Variants in GRIA4 observed in about 807,000 individuals in gnomAD.
The protein encoded by GRIA4 is glutamate receptor 4.
GRIA4 carries 34 observed loss-of-function variants against 104.0 expected under a neutral mutation model. That is an observed-to-expected ratio of 0.33 (90% confidence interval 0.25 to 0.44). The LOEUF is 0.44. Among genes scored for constraint, GRIA4 ranks in the 20% least tolerant of loss-of-function variants. The pLI is 1.00. For missense variants in GRIA4, 750 were observed against 1,096.5 expected, an observed-to-expected ratio of 0.68 and a Z score of 4.46; for synonymous variants, 386 against 381.9, an observed-to-expected ratio of 1.01 and a Z score of -0.13.
chr11:105,899,161 C>A (rs1478771272), intron 7 of GRIA4, among the ~76,000 whole-genome samples: 1 of 152,154 alleles, frequency 6.6e-6, no homozygotes, highest in East Asian at 1.9e-4. Flanking sequence ...AGATCTAAGG[C>A]TAGAGGGCCT....
intron 13 of GRIA4, among the ~76,000 whole-genome samples, chr11:105,930,063 C>G (rs1482026760): frequency 6.6e-6 from 1 of 152,078 alleles, no homozygotes; most frequent in Non-Finnish European, 1.5e-5. Context: ...CTTAAATGTT[C>G]CTTTATCACT....
chr11:105,939,558 TA>T (rs1948133108), intron 14 of GRIA4, among the ~76,000 whole-genome samples: 1 of 152,160 alleles, frequency 6.6e-6, no homozygotes, highest in Non-Finnish European at 1.5e-5. Context: ...CCCAGAAAGA[TA>T]TTTTTTTTGT....
At chr11:105,786,826 G>A (rs1018469621) in intron 4 of GRIA4, among the ~76,000 whole-genome samples, 1 of 152,136 alleles carries the variant, frequency 6.6e-6, no homozygotes, top group Non-Finnish European at 1.5e-5. Flanking sequence ...CTGTGAATTA[G>A]ACTGCAAACA....
intron 3 of GRIA4, among the ~76,000 whole-genome samples, chr11:105,627,799 T>C (rs1174580548): frequency 6.6e-6 from 1 of 152,138 alleles, no homozygotes; most frequent in African/African-American, 2.4e-5. Flanking sequence ...TTCTATAATA[T>C]GCATAGAGGC....
chr11:105,825,180 T>C (rs1943722130), intron 4 of GRIA4, among the ~76,000 whole-genome samples: 1 of 152,030 alleles, frequency 6.6e-6, no homozygotes, highest in Admixed American at 6.6e-5. Context: ...TCAAGGGGAA[T>C]ATTGGCCAAG....
chr11:105,747,037 A>T (rs188256856), intron 3 of GRIA4, among the ~76,000 whole-genome samples: 228 of 152,330 alleles, frequency 1.5e-3, no homozygotes, highest in Admixed American at 2.6e-3. Flanking sequence ...CATAAAAAGT[A>T]ACATACTCCC....
chr11:105,655,227 C>G (rs1200548134), intron 3 of GRIA4, among the ~76,000 whole-genome samples: 5 of 152,062 alleles, frequency 3.3e-5, no homozygotes, highest in Non-Finnish European at 5.9e-5. Context: ...TCGAATATAA[C>G]AAAGTTCTTT....
At chr11:105,741,080 A>C (rs1356617653) in intron 3 of GRIA4, among the ~76,000 whole-genome samples, 2 of 152,208 alleles carry the variant, frequency 1.3e-5, no homozygotes, top group Non-Finnish European at 1.5e-5. Flanking sequence ...AGCGTAATGG[A>C]GACAAAGGGA....
At chr11:105,617,069 T>A (rs1950619357) in intron 3 of GRIA4, among the ~76,000 whole-genome samples, 1 of 150,512 alleles carries the variant, frequency 6.6e-6, no homozygotes, top group African/African-American at 2.4e-5. Flanking sequence ...GAAAGTGTTA[T>A]TTTTCAAGGA....
intron 4 of GRIA4, among the ~76,000 whole-genome samples, chr11:105,805,199 G>A (rs1444726984): frequency 6.6e-6 from 1 of 151,634 alleles, no homozygotes; most frequent in African/African-American, 2.4e-5. Context: ...ATATTTATTT[G>A]GGAATGAGTA....
rs1859212158 is a variant in GRIA4, at chr11:105,980,416, C to T, written c.*677C>T. 2 of 152,548 alleles carry T rather than the reference C, an allele frequency of 1.3e-5. No individual in the cohort carries two copies. The highest frequency in any genetic ancestry group is 1.5e-5 in the Non-Finnish European group (1 of 68,034). 9.4% of individuals were successfully genotyped at this position (152,548 alleles called of 1,614,324 possible). On this transcript the variant is annotated 3_prime_UTR_variant, in exon 17 of 17. Transcript: ENST00000282499. Reference sequence around the variant, plus strand: ...TACATTGCAATAATTGATATAAATGCCATCACTGTAATAAACTTTAGAGAC... The same window carrying T: ...TACATTGCAATAATTGATATAAATGTCATCACTGTAATAAACTTTAGAGAC...
intron 4 of GRIA4, among the ~76,000 whole-genome samples, chr11:105,756,921 C>T (rs146170306): frequency 0.019 from 2,939 of 152,222 alleles, 42 homozygotes; most frequent in Middle Eastern, 0.037. Context: ...AGAAGGAGAA[C>T]AGCTAACTGT....
At chr11:105,934,102 C>A (rs1283525158) in intron 14 of GRIA4, 133 bp downstream of exon 14, 1 of 799,172 alleles carries the variant, frequency 1.3e-6, no homozygotes, top group Non-Finnish European at 1.9e-6. Flanking sequence ...TTCTCCATTT[C>A]ATATATTTTG....
At chr11:105,688,718 G>A (rs1350072996) in intron 3 of GRIA4, among the ~76,000 whole-genome samples, 1 of 152,124 alleles carries the variant, frequency 6.6e-6, no homozygotes, top group Non-Finnish European at 1.5e-5. Flanking sequence ...AGTTTTCATG[G>A]TGCGTACAAT....
intron 5 of GRIA4, among the ~76,000 whole-genome samples, chr11:105,871,987 T>C (rs1436228818): frequency 1.3e-5 from 2 of 152,048 alleles, no homozygotes; most frequent in East Asian, 1.9e-4. Flanking sequence ...CAGAAATGTA[T>C]GTGAAAGTTA....
chr11:105,915,232 C>T (rs1342935480), intron 10 of GRIA4, among the ~76,000 whole-genome samples: 8 of 152,292 alleles, frequency 5.3e-5, no homozygotes, highest in Admixed American at 3.3e-4. Flanking sequence ...CTGTCTGCAT[C>T]ACTCATCTTG....
chr11:105,621,113 G>A (rs931743776), intron 3 of GRIA4, among the ~76,000 whole-genome samples: 1 of 151,700 alleles, frequency 6.6e-6, no homozygotes, highest in East Asian at 1.9e-4. Flanking sequence ...CTTTCAATAA[G>A]CCACTGTTTT....
intron 3 of GRIA4, among the ~76,000 whole-genome samples, chr11:105,701,534 T>A (rs1429122592): frequency 6.6e-6 from 1 of 152,196 alleles, no homozygotes; most frequent in Non-Finnish European, 1.5e-5. Flanking sequence ...TGATCAAGAA[T>A]GCAATTCCAT....
intron 4 of GRIA4, among the ~76,000 whole-genome samples, chr11:105,844,976 AGTT>A (rs1944531461): frequency 6.6e-6 from 1 of 152,258 alleles, no homozygotes; most frequent in Non-Finnish European, 1.5e-5. Flanking sequence ...TCTGCTTAGT[AGTT>A]GTGTGACCTT....
Sources: allele counts gnomAD v4.1 joint callset (sites outside exome capture counted in the v4.1 genomes callset), GRCh38; gene constraint gnomAD v4.1.1; transcripts MANE v1.5; gene names NCBI Gene and HGNC (gene_info 2026-07-23, HGNC 2026-07-21).